Variants in PDE4D observed in about 807,000 individuals in gnomAD.
PDE4D encodes 3',5'-cyclic-AMP phosphodiesterase 4D.
Under a neutral mutation model 87.4 loss-of-function variants are expected in PDE4D, and 24 were observed. The ratio of observed to expected loss-of-function variants is 0.27; its 90% confidence interval spans 0.20 to 0.39. The LOEUF is 0.39. Ranked by LOEUF, PDE4D falls within the 10% of genes least tolerant of loss-of-function variation. The pLI is 1.00. For missense variants in PDE4D, 714 were observed against 1,041.0 expected (o/e 0.69, Z 4.32); for synonymous variants, 384 against 383.2 (o/e 1.00, Z -0.02).
chr5:59,958,513 G>A (rs566527712), intron 3 of PDE4D, among the ~76,000 whole-genome samples: 1 of 152,210 alleles, frequency 6.6e-6, no homozygotes, highest in South Asian at 2.1e-4. Flanking sequence ...AATTCAAAAT[G>A]TACAAACACC....
chr5:59,638,236 A>G (rs1454005017), intron 1 of PDE4D, among the ~76,000 whole-genome samples: 1 of 152,184 alleles, frequency 6.6e-6, no homozygotes, highest in Non-Finnish European at 1.5e-5. Flanking sequence ...ATAAAGCAAA[A>G]AACAAAGAAA....
At chr5:59,260,616 T>C (rs1442024368) in intron 1 of PDE4D, among the ~76,000 whole-genome samples, 1 of 151,764 alleles carries the variant, frequency 6.6e-6, no homozygotes, top group East Asian at 1.9e-4. Flanking sequence ...TAAGAAATGA[T>C]CCATGGGAAA....
At chr5:59,715,011 T>C (rs1302222407) in intron 1 of PDE4D, among the ~76,000 whole-genome samples, 1 of 152,254 alleles carries the variant, frequency 6.6e-6, no homozygotes, top group African/African-American at 2.4e-5. Flanking sequence ...CAGTAGGCTT[T>C]TGGTCCCAAC....
At chr5:59,392,042 T>A (rs419953) in intron 1 of PDE4D, among the ~76,000 whole-genome samples, 10 of 151,026 alleles carry the variant, frequency 6.6e-5, no homozygotes, top group African/African-American at 9.7e-5. Context: ...AATTTTTGTC[T>A]GTTTCATTCA....
intron 1 of PDE4D, among the ~76,000 whole-genome samples, chr5:60,299,161 G>A (rs1753674364): frequency 6.6e-6 from 1 of 152,056 alleles, no homozygotes. Flanking sequence ...GTTCAAAATA[G>A]CTTCTGGCTA....
chr5:59,776,520 A>T (rs1764092206), intron 1 of PDE4D, among the ~76,000 whole-genome samples: 1 of 152,206 alleles, frequency 6.6e-6, no homozygotes, highest in Admixed American at 6.5e-5. Context: ...TGCTACAATA[A>T]ATAGGTGCTT....
chr5:59,221,055 A>C (rs766344496), intron 1 of PDE4D, among the ~76,000 whole-genome samples: 1 of 152,104 alleles, frequency 6.6e-6, no homozygotes, highest in Non-Finnish European at 1.5e-5. Flanking sequence ...TCACAATAAC[A>C]CTTTGAAGTA....
intron 1 of PDE4D, among the ~76,000 whole-genome samples, chr5:59,536,480 G>A (rs1161499898): frequency 4.1e-5 from 5 of 122,526 alleles, no homozygotes; most frequent in Non-Finnish European, 7.8e-5. Flanking sequence ...ACTCCAGCCT[G>A]GGCAACAGAG....
chr5:60,462,924 T>G (rs1450164623), intron 1 of PDE4D, among the ~76,000 whole-genome samples: 1 of 152,220 alleles, frequency 6.6e-6, no homozygotes, highest in Non-Finnish European at 1.5e-5. Context: ...GCATCATATG[T>G]GGTTCCAACT....
intron 1 of PDE4D, among the ~76,000 whole-genome samples, chr5:59,575,978 T>C (rs1238165602): frequency 6.6e-6 from 1 of 152,162 alleles, no homozygotes; most frequent in Non-Finnish European, 1.5e-5. Flanking sequence ...AACAAGAATG[T>C]GATATAGAAG....
intron 1 of PDE4D, among the ~76,000 whole-genome samples, chr5:60,319,771 A>G (rs991498322): frequency 1.3e-5 from 2 of 152,190 alleles, no homozygotes; most frequent in South Asian, 4.1e-4. Context: ...TTCCCTGGGT[A>G]TCAGCAGCAG....
At chr5:60,337,816 C>T (rs114873138) in intron 1 of PDE4D, among the ~76,000 whole-genome samples, 142 of 151,996 alleles carry the variant, frequency 9.3e-4, no homozygotes, top group African/African-American at 3.1e-3. Context: ...TGTTCAGTCA[C>T]GCAACCAGAG....
intron 2 of PDE4D, among the ~76,000 whole-genome samples, chr5:60,103,859 GA>G (rs1033210218): frequency 1.3e-5 from 2 of 151,040 alleles, no homozygotes; most frequent in Admixed American, 6.6e-5. Context: ...TTAAAAACCT[GA>G]AAAAAAAATC....
At chr5:59,174,962 T>G (rs995361524) in intron 5 of PDE4D, among the ~76,000 whole-genome samples, 1 of 152,174 alleles carries the variant, frequency 6.6e-6, no homozygotes, top group Admixed American at 6.5e-5. Flanking sequence ...ATATTGGAAA[T>G]ATGGAAATTC....
chr5:59,493,811 T>C (rs1806651130), intron 1 of PDE4D, among the ~76,000 whole-genome samples: 1 of 152,182 alleles, frequency 6.6e-6, no homozygotes, highest in Non-Finnish European at 1.5e-5. Flanking sequence ...TTTGTGAAAA[T>C]GCATTACTGT....
At chr5:59,017,170 T>C (rs1407645909) in intron 6 of PDE4D, among the ~76,000 whole-genome samples, 1 of 152,092 alleles carries the variant, frequency 6.6e-6, no homozygotes, top group African/African-American at 2.4e-5. Flanking sequence ...GTCCTGAGGG[T>C]ATGAGCCTTC....
chr5:59,134,233 AAG>A (rs1469610153), intron 5 of PDE4D, among the ~76,000 whole-genome samples: 1 of 148,928 alleles, frequency 6.7e-6, no homozygotes, highest in Non-Finnish European at 1.5e-5. Flanking sequence ...ACAAGAATGA[AAG>A]AGAAAAAGTC....
At chr5:59,018,127 T>C (rs1290736735) in intron 6 of PDE4D, among the ~76,000 whole-genome samples, 2 of 152,242 alleles carry the variant, frequency 1.3e-5, no homozygotes, top group Non-Finnish European at 2.9e-5. Context: ...ACACTGAAAC[T>C]TGTTATAAGG....
chr5:59,900,942 G>A (rs1752195016), intron 3 of PDE4D, among the ~76,000 whole-genome samples: 1 of 152,104 alleles, frequency 6.6e-6, no homozygotes, highest in African/African-American at 2.4e-5. Flanking sequence ...TGGTAGGTAG[G>A]CATTGGTAAG....
Sources: allele counts gnomAD v4.1 joint callset (sites outside exome capture counted in the v4.1 genomes callset), GRCh38; gene constraint gnomAD v4.1.1; transcripts MANE v1.5; gene names NCBI Gene and HGNC (gene_info 2026-07-23, HGNC 2026-07-21).